The following PRKCI variants were observed in gnomAD, a reference collection of about 807,000 sequenced individuals.
PRKCI encodes the protein protein kinase C iota.
PRKCI carries 43 observed loss-of-function variants against 84.0 expected under a neutral mutation model. The observed-to-expected ratio is 0.51, with a 90% CI of 0.40 to 0.66. The LOEUF (loss-of-function observed/expected upper bound fraction) is 0.66, where lower values mean the gene tolerates loss of function less well. Ranked by LOEUF, PRKCI falls within the 30% of genes least tolerant of loss-of-function variation. The pLI, the probability that PRKCI is intolerant of heterozygous loss-of-function variation, is 0.00. For missense variants in PRKCI, 459 were observed against 745.6 expected, an observed-to-expected ratio of 0.62 and a Z score of 4.48; for synonymous variants, 216 against 234.4, an observed-to-expected ratio of 0.92 and a Z score of 0.72.
chr3:170,223,009 C>G (rs1732533381), intron 1 of PRKCI, among the ~76,000 whole-genome samples: 1 of 152,006 alleles, frequency 6.6e-6, no homozygotes, highest in Non-Finnish European at 1.5e-5. Context: ...GAGTAGGGTC[C>G]GAGAAGGAAG....
chr3:170,224,579 A>G (rs1343795208), intron 1 of PRKCI, among the ~76,000 whole-genome samples: 1 of 152,140 alleles, frequency 6.6e-6, no homozygotes, highest in Non-Finnish European at 1.5e-5. Flanking sequence ...GCTGGAGTGC[A>G]GTGGCACAAT....
At chr3:170,285,078 C>CTT (rs199832004) in intron 12 of PRKCI, among the ~76,000 whole-genome samples, 43 of 129,804 alleles carry the variant, frequency 3.3e-4, no homozygotes, top group African/African-American at 6.8e-4. Context: ...GTCTTCATTT[C>CTT]TTTTTTTTTT....
chr3:170,285,078 CTTT>C (rs199832004), intron 12 of PRKCI, among the ~76,000 whole-genome samples: 7 of 129,784 alleles, frequency 5.4e-5, no homozygotes, highest in Non-Finnish European at 5.0e-5. Flanking sequence ...GTCTTCATTT[CTTT>C]TTTTTTTTTT....
intron 2 of PRKCI, among the ~76,000 whole-genome samples, chr3:170,238,674 C>T (rs960335986): frequency 6.6e-6 from 1 of 151,446 alleles, no homozygotes. Context: ...CCACTGCAAC[C>T]TCCTCCTCCT....
At chr3:170,223,152 C>T (rs1401295862) in intron 1 of PRKCI, among the ~76,000 whole-genome samples, 1 of 152,118 alleles carries the variant, frequency 6.6e-6, no homozygotes, top group Non-Finnish European at 1.5e-5. Flanking sequence ...CCTTAGTTAA[C>T]TCAGTTTGCT....
At chr3:170,261,774 A>G (rs1470598215) in intron 3 of PRKCI, among the ~76,000 whole-genome samples, 2 of 152,124 alleles carry the variant, frequency 1.3e-5, no homozygotes, top group Non-Finnish European at 2.9e-5. Flanking sequence ...GTCAGCCACT[A>G]CGCCTGACCT....
Position 170,303,693 on chromosome 3 carries a change from T to C in PRKCI, c.*566T>C, listed in dbSNP as rs1190346434. 4.6e-6 allele frequency: 1 copy of C among 218,228 alleles called. No homozygotes were observed. Among genetic ancestry groups the C allele is most frequent in the Non-Finnish European group, 9.2e-6 (1 of 108,732 alleles). 13.5% of individuals were successfully genotyped at this position (218,228 alleles called of 1,614,324 possible). A position where few individuals can be genotyped will look rare whatever the true frequency, so the allele number is the denominator to read the frequency against. ...TTAAATTGGTAATAGAAGATGCTGC[T>C]TGCTTAGAATTGGGAAATTCGGCTG... On this transcript the variant is annotated 3_prime_UTR_variant, in exon 18 of 18. Transcript: ENST00000295797.
intron 2 of PRKCI, among the ~76,000 whole-genome samples, chr3:170,258,102 A>C (rs571889454): frequency 6.6e-6 from 1 of 152,166 alleles, no homozygotes; most frequent in South Asian, 2.1e-4. Flanking sequence ...AGTGGGAGAA[A>C]AAAAAGGAGA....
intron 12 of PRKCI, among the ~76,000 whole-genome samples, chr3:170,284,898 TAACAC>T (rs1226699688): frequency 4.6e-5 from 7 of 152,314 alleles, no homozygotes; most frequent in Non-Finnish European, 7.4e-5. Flanking sequence ...TTCCACTACT[TAACAC>T]AACCATTTGC....
Position 170,304,571 on chromosome 3 carries a change from T to G in PRKCI, c.*1444T>G, listed in dbSNP as rs1256851114. On this transcript the variant is annotated 3_prime_UTR_variant, in exon 18 of 18. Transcript: ENST00000295797. ...AAATGTTCAGGACACACACATACACTCACACACATCACAGTATCAGCTCTT... is the reference window on the plus strand; with the variant it reads ...AAATGTTCAGGACACACACATACACGCACACACATCACAGTATCAGCTCTT... 6.6e-6 allele frequency: 1 copy of G among 151,774 alleles called. No individual in the cohort carries two copies. Among genetic ancestry groups the G allele is most frequent in the Non-Finnish European group, 1.5e-5 (1 of 67,772 alleles). The allele number at this position is 151,774 out of a possible 1,614,324, so 9.4% of individuals were successfully genotyped here.
At position 170,222,495 on chromosome 3, in the gene PRKCI, C is replaced by T. The variant is rs111782041; in HGVS notation, c.-175C>T. 1 of 506,210 alleles carries T rather than the reference C, an allele frequency of 2.0e-6. No homozygotes were observed. The highest frequency in any genetic ancestry group is 3.3e-6 in the Non-Finnish European group (1 of 301,702). The allele number at this position is 506,210 out of a possible 1,614,324, so 31.4% of individuals were successfully genotyped here. On this transcript the variant is annotated 5_prime_UTR_variant, in exon 1 of 18. Coordinates refer to ENST00000295797, the MANE Select transcript of PRKCI (RefSeq NM_002740.6). ...CCTACGGGCAGTGGGAGGAGCCGCG[C>T]GGTTCCGGCTGCTCCGGCGAGGCGA...
At position 170,292,057 on chromosome 3, in the gene PRKCI, T is replaced by A. The variant is rs1464325522; in HGVS notation, c.1291+116T>A. 1.5e-5 allele frequency: 11 copies of A among 755,884 alleles called. No homozygotes were observed. The Admixed American group carries it at 2.6e-4, about 18-fold the overall frequency. 46.8% of individuals were successfully genotyped at this position (755,884 alleles called of 1,614,324 possible). ...TGACGTGATCTTATTAATATAAGGA[T>A]TCTTGATCCTGTTAAAAACTACATG... On this transcript the variant is annotated intron_variant, in intron 13 of 17. Transcript: ENST00000295797.
intron 1 of PRKCI, among the ~76,000 whole-genome samples, chr3:170,228,113 G>A (rs1732681982): frequency 6.6e-6 from 1 of 152,080 alleles, no homozygotes; most frequent in Non-Finnish European, 1.5e-5. Flanking sequence ...TGTTTATGAG[G>A]CATTCAGGAG....
chr3:170,263,234 G>T, intron 3 of PRKCI, 145 bp from the exon 4 acceptor site: 3 of 570,566 alleles, frequency 5.3e-6, no homozygotes, highest in South Asian at 2.4e-5. Context: ...AAATAATATT[G>T]ATCACATGCT....
intron 12 of PRKCI, among the ~76,000 whole-genome samples, chr3:170,288,016 G>A (rs1734442368): frequency 6.6e-6 from 1 of 151,998 alleles, no homozygotes; most frequent in Non-Finnish European, 1.5e-5. Context: ...GGAGGCCGAG[G>A]CAGGCGGATC....
chr3:170,247,403 G>T (rs993842401), intron 2 of PRKCI, among the ~76,000 whole-genome samples: 1 of 150,810 alleles, frequency 6.6e-6, no homozygotes, highest in Non-Finnish European at 1.5e-5. Context: ...TAGAGGGAGG[G>T]TTATGTCTAT....
chr3:170,222,801 G>A, intron 1 of PRKCI, 31 bp downstream of exon 1: 1 of 1,279,244 alleles, frequency 7.8e-7, no homozygotes, highest in South Asian at 1.2e-5. Context: ...CGGTGGGCGG[G>A]AGGGGACAGG....
intron 2 of PRKCI, among the ~76,000 whole-genome samples, chr3:170,252,079 C>T (rs1033355277): frequency 7.9e-5 from 12 of 151,376 alleles, no homozygotes; most frequent in African/African-American, 1.2e-4. Flanking sequence ...CCAGGCGTGG[C>T]GGCGTGTGCC....
At chr3:170,284,620 TTA>T (rs2108860946) in intron 12 of PRKCI, 24 bp downstream of exon 12, 1 of 1,601,224 alleles carries the variant, frequency 6.2e-7, no homozygotes, top group East Asian at 2.2e-5. Context: ...TCTAGTTATT[TTA>T]AAAGGTCTTC....
Sources: gnomAD v4.1 joint callset for allele counts (sites outside exome capture counted in the v4.1 genomes callset) on GRCh38, gnomAD v4.1.1 for gene constraint, MANE v1.5 for transcripts, NCBI Gene and HGNC (gene_info 2026-07-23, HGNC 2026-07-21) for gene names.